MICAL3: variants seen among roughly 807,000 people sequenced by gnomAD.
MICAL3 encodes the protein [F-actin]-monooxygenase MICAL3.
In MICAL3, 62 loss-of-function variants were observed where a neutral mutation model predicts 207.4. The observed-to-expected ratio is 0.30, with a 90% CI of 0.24 to 0.37. MICAL3 has a LOEUF of 0.37. Ranked by LOEUF, MICAL3 falls within the 10% of genes least tolerant of loss-of-function variation. The pLI, the probability that MICAL3 is intolerant of heterozygous loss-of-function variation, is 1.00. For missense variants in MICAL3, 2,368 were observed against 2,635.6 expected (o/e 0.90, Z 2.22); for synonymous variants, 1,077 against 1,069.3 (o/e 1.01, Z -0.14).
rs1251547578 is a variant in MICAL3, at chr22:17,871,948, C to T, written c.2317G>A (p.Val773Met). 13 of 1,611,152 alleles carry T rather than the reference C, an allele frequency of 8.1e-6. No homozygotes were observed. Among genetic ancestry groups the T allele is most frequent in the South Asian group, 1.1e-5 (1 of 90,172 alleles). ...TCYFCQKRVY[V>M]MERLSAEGKF... ...CCCTCGGCACTCAGCCTCTCCATCA[C>T]GTAGACCCGCTTCTGGCAGAAGTAG... Residue 773 changes from valine to methionine, a missense_variant, in exon 17 of 32, where the codon GTG becomes ATG. Coordinates refer to ENST00000441493, the MANE Select transcript of MICAL3 (RefSeq NM_015241.3).
chr22:17,947,276 G>GC (rs1569142804), intron 1 of MICAL3, among the ~76,000 whole-genome samples: 1 of 152,174 alleles, frequency 6.6e-6, no homozygotes, highest in African/African-American at 2.4e-5. Context: ...AGGACAGTGG[G>GC]CCCCCCAGCA....
chr22:17,810,528 C>G (rs977741631), intron 28 of MICAL3, among the ~76,000 whole-genome samples, 175 bp downstream of exon 28: 1 of 152,210 alleles, frequency 6.6e-6, no homozygotes, highest in African/African-American at 2.4e-5. Context: ...ACAGCTCCAC[C>G]AAGGCAGGGC....
chr22:17,923,785 C>A (rs1291424504), intron 1 of MICAL3, among the ~76,000 whole-genome samples: 1 of 152,260 alleles, frequency 6.6e-6, no homozygotes, highest in East Asian at 1.9e-4. Context: ...TGCTGTGACC[C>A]TCTTGCCAAC....
chr22:17,806,757 C>T (rs1231561649), intron 29 of MICAL3, among the ~76,000 whole-genome samples: 1 of 133,040 alleles, frequency 7.5e-6, no homozygotes, highest in Admixed American at 7.4e-5. Context: ...AAGAGGTCTG[C>T]TGCTAGTTTT....
intron 22 of MICAL3, among the ~76,000 whole-genome samples, chr22:17,826,877 T>G (rs1187546401): frequency 1.5e-5 from 2 of 137,556 alleles, no homozygotes; most frequent in Non-Finnish European, 3.3e-5. Context: ...AACAAACGTC[T>G]TATTAATGCT....
In MICAL3 at chr22:17,818,936, G is replaced by C; in HGVS notation, c.3725C>G (p.Pro1242Arg). Residue 1242 changes from proline (P) to arginine (R), a missense_variant, in exon 26 of 32, where the codon CCG becomes CGG. By Grantham distance (103) the Pro-to-Arg change is moderately radical. Around this residue, in one of 4 missense-constraint regions of MICAL3, gnomAD observed 1,770 missense variants for 1,863.2 expected, o/e 0.95. Coordinates refer to ENST00000441493, the MANE Select transcript of MICAL3 (RefSeq NM_015241.3). ...GGCCGCCACGGGTGGCTGGGGCTGC[G>C]GGCTCCCTGGTGAGACAGGAGTCCT... Reference protein sequence around the residue: ...EARTPVSPGSPQPQPPVAAST... With the variant: ...EARTPVSPGSRQPQPPVAAST... 6.3e-7 allele frequency: 1 copy of C among 1,586,772 alleles called. No individual in the cohort carries two copies. Among genetic ancestry groups the C allele is most frequent in the East Asian group, 2.2e-5 (1 of 44,634 alleles).
intron 7 of MICAL3, 125 bp from the exon 8 acceptor site, chr22:17,897,106 A>C: frequency 2.0e-6 from 2 of 996,766 alleles, no homozygotes; most frequent in South Asian, 1.6e-5. Context: ...CAAAACCAAA[A>C]CTTTTATACC....
chr22:17,933,972 C>T (rs528527557), intron 1 of MICAL3, among the ~76,000 whole-genome samples: 6 of 152,254 alleles, frequency 3.9e-5, no homozygotes, highest in South Asian at 2.1e-4. Flanking sequence ...GAAATTCAGG[C>T]AGTAATTAAC....
At chr22:17,864,391 C>T (rs532693898) in intron 19 of MICAL3, 118 of 1,340,794 alleles carry the variant, frequency 8.8e-5, no homozygotes, top group East Asian at 1.2e-4. Flanking sequence ...GGGAACAGGA[C>T]GCAGAATCTT....
At chr22:17,821,550 C>A (rs550750408) in intron 24 of MICAL3, 41 bp from the exon 25 acceptor site, 27 of 1,494,406 alleles carry the variant, frequency 1.8e-5, no homozygotes, top group Middle Eastern at 1.8e-4. Flanking sequence ...AGGAAGCCCC[C>A]CCATGTGCCA....
At chr22:17,936,209 A>G (rs1392804697) in intron 1 of MICAL3, among the ~76,000 whole-genome samples, 1 of 152,248 alleles carries the variant, frequency 6.6e-6, no homozygotes, top group African/African-American at 2.4e-5. Flanking sequence ...GGATTAAGAA[A>G]ATGTGGCACA....
At chr22:17,989,694 C>G (rs1228289832) in intron 1 of MICAL3, among the ~76,000 whole-genome samples, 2 of 152,200 alleles carry the variant, frequency 1.3e-5, no homozygotes, top group Non-Finnish European at 2.9e-5. Context: ...GTTCAAACCC[C>G]CAACTCCTCT....
At chr22:17,823,987 A>G (rs906818270) in intron 22 of MICAL3, among the ~76,000 whole-genome samples, 1 of 152,216 alleles carries the variant, frequency 6.6e-6, no homozygotes, top group African/African-American at 2.4e-5. Flanking sequence ...GAAGGTACGT[A>G]AAGTTCATCC....
chr22:17,794,541 G>A (rs1349054740), intron 29 of MICAL3, among the ~76,000 whole-genome samples: 2 of 152,212 alleles, frequency 1.3e-5, no homozygotes, highest in African/African-American at 4.8e-5. Context: ...TTGGGGAAAT[G>A]TACAAACACA....
At chr22:17,876,746 T>G (rs373899664) in intron 16 of MICAL3, 2,302 of 144,892 alleles carry the variant, frequency 0.016, 32 homozygotes, top group African/African-American at 0.022. Context: ...TTATGGAGGT[T>G]AGGGAGGTTA....
intron 19 of MICAL3, among the ~76,000 whole-genome samples, chr22:17,849,110 A>C (rs558220325): frequency 2.6e-5 from 4 of 152,350 alleles, no homozygotes; most frequent in African/African-American, 9.6e-5. Flanking sequence ...TTGCTTGTGA[A>C]GCAGGCGATG....
At chr22:17,926,006 A>C (rs1932916569) in intron 1 of MICAL3, among the ~76,000 whole-genome samples, 1 of 152,244 alleles carries the variant, frequency 6.6e-6, no homozygotes, top group Admixed American at 6.5e-5. Context: ...GACTTGGAAA[A>C]CATAAACGCA....
At chr22:17,795,703 C>G (rs959177352) in intron 29 of MICAL3, among the ~76,000 whole-genome samples, 1 of 152,234 alleles carries the variant, frequency 6.6e-6, no homozygotes, top group African/African-American at 2.4e-5. Context: ...GAGCGGCCGG[C>G]GAGTCCGAGC....
intron 1 of MICAL3, among the ~76,000 whole-genome samples, chr22:17,934,147 A>C (rs1049571184): frequency 6.6e-6 from 1 of 152,202 alleles, no homozygotes; most frequent in Non-Finnish European, 1.5e-5. Context: ...CAGAGACACA[A>C]CAACAACAAA....
Sources: gnomAD v4.1 joint callset for allele counts (sites outside exome capture counted in the v4.1 genomes callset) on GRCh38, gnomAD v4.1.1 for gene constraint, gnomAD v4.1.1 regional missense constraint, MANE v1.5 for transcripts, NCBI Gene and HGNC (gene_info 2026-07-23, HGNC 2026-07-21) for gene names.